TP63: variants seen among roughly 807,000 people sequenced by gnomAD.
TP63 encodes the protein tumor protein 63.
In TP63, 17 loss-of-function variants were observed where a neutral mutation model predicts 82.8. The observed-to-expected ratio is 0.21, with a 90% CI of 0.14 to 0.31. The LOEUF (loss-of-function observed/expected upper bound fraction) is 0.31, where lower values mean the gene tolerates loss of function less well. TP63 is among the 10% of genes least tolerant of loss of function. TP63 has a pLI of 1.00. For missense variants in TP63, 648 were observed against 895.3 expected (o/e 0.72, Z 3.52); for synonymous variants, 330 against 321.7 (o/e 1.03, Z -0.28).
At chr3:189,672,664 A>G (rs9844319) in intron 1 of TP63, among the ~76,000 whole-genome samples, 3,501 of 118,124 alleles carry the variant, frequency 0.03, 74 homozygotes, top group Non-Finnish European at 0.039. Context: ...AAGGAAGGAA[A>G]GAAGGAAGGA....
At position 189,727,910 on chromosome 3, in the gene TP63, A is replaced by G. The variant is rs6770891; in HGVS notation, c.63-9830A>G. Reference sequence around the variant, plus strand: ...AATGACATTTTAAACAAGATACTCAAGTATTCCTTATCTTTGTCTTCTACC... The same window carrying G: ...AATGACATTTTAAACAAGATACTCAGGTATTCCTTATCTTTGTCTTCTACC... On this transcript the variant is annotated intron_variant, in intron 1 of 13. Transcript: ENST00000264731. 4.6e-3 allele frequency among the ~76,000 whole-genome samples: 701 copies of G among 152,330 alleles called. 3 individuals carry two copies. Among genetic ancestry groups the G allele is most frequent in the African/African-American group, 0.016 (681 of 41,586 alleles).
rs547559277 is a variant in TP63, at chr3:189,737,388, C to A, written c.63-352C>A. ...AAAATGGGTTTAATGATAGGTCAGGCTTGCTATCAAATTTAATGAGGAAAT... is the reference window on the plus strand; with the variant it reads ...AAAATGGGTTTAATGATAGGTCAGGATTGCTATCAAATTTAATGAGGAAAT... On this transcript the variant is annotated intron_variant, in intron 1 of 13. Coordinates refer to ENST00000264731, the MANE Select transcript of TP63 (RefSeq NM_003722.5). 2.0e-5 allele frequency among the ~76,000 whole-genome samples: 3 copies of A among 152,168 alleles called. No individual in the cohort carries two copies. In the South Asian group the frequency reaches 6.2e-4, roughly 32 times the overall value.
At chr3:189,750,888 A>G (rs1249548934) in intron 3 of TP63, among the ~76,000 whole-genome samples, 1 of 152,152 alleles carries the variant, frequency 6.6e-6, no homozygotes, top group Non-Finnish European at 1.5e-5. Context: ...TTACATAGGT[A>G]TACATGTGCC....
rs73197859 is a variant in TP63, at chr3:189,816,468, C to T, written c.579+7942C>T. Among the ~76,000 whole-genome samples, 499 of 152,218 alleles carry T rather than the reference C, an allele frequency of 3.3e-3. 1 individual carries two copies. The highest frequency in any genetic ancestry group is 5.5e-3 in the Non-Finnish European group (375 of 68,022). ...TGTTCCTACCCGCTTTGGTAAAGGG[C>T]CGATGTATGTTTCTCATGAAAAGTC... is the stretch of plus-strand genomic sequence containing the variant. On this transcript the variant is annotated intron_variant, in intron 4 of 13. Coordinates refer to ENST00000264731, the MANE Select transcript of TP63 (RefSeq NM_003722.5).
At position 189,648,048 on chromosome 3, in the gene TP63, C is replaced by T. The variant is rs935644479; in HGVS notation, c.62+16471C>T. Among the ~76,000 whole-genome samples, 5 of 147,170 alleles carry T rather than the reference C, an allele frequency of 3.4e-5. 1 individual carries two copies. Among genetic ancestry groups the T allele is most frequent in the East Asian group, 4.7e-4 (2 of 4,234 alleles). On this transcript the variant is annotated intron_variant, in intron 1 of 13. Coordinates refer to ENST00000264731, the MANE Select transcript of TP63 (RefSeq NM_003722.5). ...AATGTTTTTTAAAGATATGTTATTACAACTGGTTACTCCAGTAGAAGTATG... is the reference window on the plus strand; with the variant it reads ...AATGTTTTTTAAAGATATGTTATTATAACTGGTTACTCCAGTAGAAGTATG...
chr3:189,805,488 G>A (rs1424341832), intron 3 of TP63, among the ~76,000 whole-genome samples: 1 of 152,232 alleles, frequency 6.6e-6, no homozygotes, highest in Admixed American at 6.5e-5. Context: ...AGTCAGGTAA[G>A]TTTTATTAAC....
intron 1 of TP63, among the ~76,000 whole-genome samples, chr3:189,714,132 C>A (rs1483375153): frequency 3.3e-5 from 5 of 151,902 alleles, no homozygotes; most frequent in Non-Finnish European, 5.9e-5. Context: ...TTAAAGACAC[C>A]CCGTAAGTGG....
intron 10 of TP63, among the ~76,000 whole-genome samples, chr3:189,874,195 G>A (rs1168864074): frequency 6.6e-6 from 1 of 151,958 alleles, no homozygotes; most frequent in Non-Finnish European, 1.5e-5. Flanking sequence ...TCAGCCTCCC[G>A]AGTAGCTGGG....
intron 3 of TP63, among the ~76,000 whole-genome samples, chr3:189,785,143 G>A (rs1413106406): frequency 6.6e-6 from 1 of 151,944 alleles, no homozygotes; most frequent in African/African-American, 2.4e-5. Flanking sequence ...TGAATTGAAA[G>A]CGATATTTTT....
chr3:189,770,776 T>G (rs1723280961), intron 3 of TP63, among the ~76,000 whole-genome samples: 1 of 152,216 alleles, frequency 6.6e-6, no homozygotes, highest in South Asian at 2.1e-4. Context: ...GACAAAATGT[T>G]TGATACTGCA....
chr3:189,848,423 T>C (rs1715216844), intron 4 of TP63, among the ~76,000 whole-genome samples: 1 of 151,776 alleles, frequency 6.6e-6, no homozygotes, highest in South Asian at 2.1e-4. Flanking sequence ...CTTCTTGTAT[T>C]GCCCAGACTG....
intron 1 of TP63, among the ~76,000 whole-genome samples, chr3:189,643,137 G>T (rs1376839541): frequency 6.6e-6 from 1 of 152,120 alleles, no homozygotes; most frequent in Non-Finnish European, 1.5e-5. Flanking sequence ...AAGTAGCTGG[G>T]ATTACAGGCA....
intron 9 of TP63, among the ~76,000 whole-genome samples, 197 bp downstream of exon 9, chr3:189,869,603 A>G (rs1015288611): frequency 2.6e-5 from 4 of 152,154 alleles, no homozygotes; most frequent in African/African-American, 9.7e-5. Context: ...TGGAAGTCTG[A>G]GATCAAGGTG....
the TP63 span, among the ~76,000 whole-genome samples, chr3:189,610,624 C>T: frequency 0.013 from 2,045 of 152,284 alleles, 24 homozygotes; most frequent in East Asian, 0.045. Context: ...TCCAAACTTT[C>T]CCACATTTTC....
In TP63 at chr3:189,648,776, C is replaced by T. The variant is rs1263615701; in HGVS notation, c.62+17199C>T. On this transcript the variant is annotated intron_variant, in intron 1 of 13. Transcript: ENST00000264731. ...TTTATACGTCTAGATATCTTGTTTG[C>T]TCAAATCCCTCATAGTCGTTTAGGA... 2.7e-5 allele frequency among the ~76,000 whole-genome samples: 4 copies of T among 146,908 alleles called. 2 individuals carry two copies. Among genetic ancestry groups the T allele is most frequent in the African/African-American group, 1.0e-4 (4 of 39,178 alleles).
chr3:189,720,516 C>A (rs1719298529), intron 1 of TP63, among the ~76,000 whole-genome samples: 1 of 151,966 alleles, frequency 6.6e-6, no homozygotes, highest in Non-Finnish European at 1.5e-5. Context: ...GGGCAGATCA[C>A]CTGAGGTCAG....
At chr3:189,818,073 T>A (rs995844955) in intron 4 of TP63, among the ~76,000 whole-genome samples, 2 of 151,928 alleles carry the variant, frequency 1.3e-5, no homozygotes, top group Admixed American at 6.6e-5. Context: ...CTTTCTTCTA[T>A]CTTTCTGCCT....
At chr3:189,706,049 G>T (rs1016254990) in intron 1 of TP63, among the ~76,000 whole-genome samples, 1 of 152,108 alleles carries the variant, frequency 6.6e-6, no homozygotes, top group African/African-American at 2.4e-5. Flanking sequence ...CTCCCACTCT[G>T]CTTTGAATTG....
the TP63 span, among the ~76,000 whole-genome samples, chr3:189,618,435 C>T: frequency 6.6e-6 from 1 of 152,224 alleles, no homozygotes; most frequent in Non-Finnish European, 1.5e-5. Flanking sequence ...TCTAGGAATG[C>T]CATATTCTAT....
Sources: allele counts gnomAD v4.1 joint callset (sites outside exome capture counted in the v4.1 genomes callset), GRCh38; gene constraint gnomAD v4.1.1; transcripts MANE v1.5; gene names NCBI Gene and HGNC (gene_info 2026-07-23, HGNC 2026-07-21).